Variants in PTAR1 observed in about 807,000 individuals in gnomAD.
The protein encoded by PTAR1 is protein prenyltransferase alpha subunit repeat-containing protein 1.
A neutral mutation model predicts 45.5 loss-of-function variants in PTAR1; 17 were observed. The ratio of observed to expected loss-of-function variants is 0.37; its 90% CI spans 0.26 to 0.56. The LOEUF (loss-of-function observed/expected upper bound fraction) is 0.56. Ranked by LOEUF, PTAR1 falls within the 20% of genes least tolerant of loss-of-function variation. PTAR1 has a pLI of 0.77. For synonymous variants in PTAR1, 169 were observed against 171.3 expected, an observed-to-expected ratio of 0.99 and a Z score of 0.11; for missense variants, 391 against 476.3, an observed-to-expected ratio of 0.82 and a Z score of 1.67.
chr9:69,744,002 A>G (rs559960885), intron 2 of PTAR1, among the ~76,000 whole-genome samples: 1 of 152,292 alleles, frequency 6.6e-6, no homozygotes, highest in East Asian at 1.9e-4. Context: ...ACCATACTGG[A>G]AAAAGTATGA....
intron 3 of PTAR1, among the ~76,000 whole-genome samples, chr9:69,736,090 T>C (rs1008499834): frequency 6.6e-6 from 1 of 152,114 alleles, no homozygotes; most frequent in African/African-American, 2.4e-5. Context: ...AAAATATTGC[T>C]CTATGTAATT....
chr9:69,736,833 T>C (rs1825811592), intron 3 of PTAR1, among the ~76,000 whole-genome samples: 1 of 152,158 alleles, frequency 6.6e-6, no homozygotes, highest in Non-Finnish European at 1.5e-5. Flanking sequence ...AATATCTTTA[T>C]TTTGAATTAA....
intron 1 of PTAR1, chr9:69,757,038 A>G (rs1196951708): frequency 6.6e-6 from 1 of 152,238 alleles, no homozygotes; most frequent in African/African-American, 2.4e-5. Context: ...ACCATTACAG[A>G]AATTTCTGTT....
At chr9:69,750,141 G>T (rs1041697484) in intron 2 of PTAR1, among the ~76,000 whole-genome samples, 3 of 151,814 alleles carry the variant, frequency 2.0e-5, no homozygotes, top group African/African-American at 7.3e-5. Context: ...ACCAAGAAAA[G>T]AGACCAGATG....
At chr9:69,745,027 C>T (rs997695061) in intron 2 of PTAR1, among the ~76,000 whole-genome samples, 3 of 152,314 alleles carry the variant, frequency 2.0e-5, no homozygotes, top group South Asian at 2.1e-4. Context: ...CAAGGACTCA[C>T]TCAGTGAAAC....
In PTAR1 at chr9:69,732,381, C is replaced by T. The variant is rs572155811; in HGVS notation, c.429-29G>A. Reference sequence around the variant, plus strand: ...TTAAGGCAGCATGTGGGAAAGAGAACACAGAAAGAACATAAACCAGAGAGA... The same window carrying T: ...TTAAGGCAGCATGTGGGAAAGAGAATACAGAAAGAACATAAACCAGAGAGA... On this transcript the variant is annotated intron_variant, in intron 4 of 7. Coordinates refer to ENST00000340434, the MANE Select transcript of PTAR1 (RefSeq NM_001099666.2). The T allele has an allele frequency of 9.4e-6, 14 of 1,484,962 alleles. No homozygotes were observed. The South Asian group carries it at 1.6e-4, about 17-fold the overall frequency. 92.0% of individuals were successfully genotyped at this position (1,484,962 alleles called of 1,614,324 possible). A position where few individuals can be genotyped will look rare whatever the true frequency, so the allele number is the denominator to read the frequency against.
At chr9:69,751,085 G>T in intron 1 of PTAR1, 135 bp from the exon 2 acceptor site, 1 of 652,934 alleles carries the variant, frequency 1.5e-6, no homozygotes, top group Non-Finnish European at 2.6e-6. Flanking sequence ...CACTTACTGG[G>T]ATTGGTAGAT....
rs775303715 is a variant in PTAR1, at chr9:69,732,128, A to G, written c.642+11T>C. The G allele has an allele frequency of 1.9e-6, 3 of 1,597,984 alleles. No homozygotes were observed. Among genetic ancestry groups the G allele is most frequent in the Non-Finnish European group, 2.6e-6 (3 of 1,167,060 alleles). ...ACAGGCAGTCTGCCCAGGAGACAGT[A>G]ATATTCCTACCTTGACATCTAGCTT... On this transcript the variant is annotated intron_variant, in intron 5 of 7. Transcript: ENST00000340434.
intron 3 of PTAR1, among the ~76,000 whole-genome samples, chr9:69,736,351 G>A (rs1825787859): frequency 6.6e-6 from 1 of 152,206 alleles, no homozygotes; most frequent in Admixed American, 6.5e-5. Flanking sequence ...GAGGTCAAGA[G>A]ATTGAGACCA....
At chr9:69,755,490 C>A (rs1826735544) in intron 1 of PTAR1, among the ~76,000 whole-genome samples, 1 of 152,136 alleles carries the variant, frequency 6.6e-6, no homozygotes, top group Admixed American at 6.6e-5. Flanking sequence ...GTTGCATCAA[C>A]CAGCTTACCT....
rs370305516 is a variant in PTAR1, at chr9:69,739,142, T to C, written c.323+2650A>G. On this transcript the variant is annotated intron_variant, in intron 3 of 7. Coordinates refer to ENST00000340434, the MANE Select transcript of PTAR1 (RefSeq NM_001099666.2). ...TTTTACAGATGAAGAAATTGAATCC[T>C]GGAGAAGTTCAGTAACTTGCTCAGG... Among the ~76,000 whole-genome samples, 214 of 152,294 alleles carry C rather than the reference T, an allele frequency of 1.4e-3. No homozygotes were observed. The South Asian group carries it at 0.025, about 18-fold the overall frequency.
intron 1 of PTAR1, chr9:69,757,724 T>G (rs964423827): frequency 2.0e-5 from 3 of 151,198 alleles, no homozygotes; most frequent in African/African-American, 7.3e-5. Flanking sequence ...ACAGTAAAGT[T>G]AGATACAAAC....
rs535798088 is a variant in PTAR1, at chr9:69,722,768, G to A, written c.947+558C>T. Among the ~76,000 whole-genome samples the A allele has an allele frequency of 4.0e-5, 6 of 151,728 alleles. No individual in the cohort carries two copies. The South Asian group carries it at 6.2e-4, about 16-fold the overall frequency. On this transcript the variant is annotated intron_variant, in intron 6 of 7. Coordinates refer to ENST00000340434, the MANE Select transcript of PTAR1 (RefSeq NM_001099666.2). ...AGCCTGGCCAACATGGTGAAATTCC[G>A]TCTCTACTAAAAACACAAAAATTAG... is the stretch of plus-strand genomic sequence containing the variant.
chr9:69,737,442 G>A (rs921974658), intron 3 of PTAR1, among the ~76,000 whole-genome samples: 3 of 152,240 alleles, frequency 2.0e-5, no homozygotes, highest in South Asian at 4.1e-4. Context: ...TCTGACTGGA[G>A]ATACAATTTC....
At chr9:69,726,499 C>T (rs892462858) in intron 5 of PTAR1, among the ~76,000 whole-genome samples, 1 of 151,910 alleles carries the variant, frequency 6.6e-6, no homozygotes, top group African/African-American at 2.4e-5. Flanking sequence ...TAGAAATATA[C>T]TTGCTGGAAC....
At chr9:69,736,089 C>T (rs575489439) in intron 3 of PTAR1, among the ~76,000 whole-genome samples, 2 of 152,116 alleles carry the variant, frequency 1.3e-5, no homozygotes, top group African/African-American at 4.8e-5. Context: ...GAAAATATTG[C>T]TCTATGTAAT....
At chr9:69,749,086 C>T (rs1312022825) in intron 2 of PTAR1, among the ~76,000 whole-genome samples, 1 of 152,032 alleles carries the variant, frequency 6.6e-6, no homozygotes, top group Admixed American at 6.6e-5. Context: ...CGCAAGGTTC[C>T]TTATGAGCCT....
At chr9:69,722,279 C>T (rs1452576400) in intron 6 of PTAR1, among the ~76,000 whole-genome samples, 1 of 152,192 alleles carries the variant, frequency 6.6e-6, no homozygotes, top group Non-Finnish European at 1.5e-5. Context: ...AAATACAATG[C>T]TATGGCCTAA....
chr9:69,752,523 A>T (rs1826577539), intron 1 of PTAR1, among the ~76,000 whole-genome samples: 1 of 152,086 alleles, frequency 6.6e-6, no homozygotes, highest in Non-Finnish European at 1.5e-5. Context: ...TTATCCTTAC[A>T]ATTGGTTCCG....
Sources: allele counts gnomAD v4.1 joint callset (sites outside exome capture counted in the v4.1 genomes callset), GRCh38; gene constraint gnomAD v4.1.1; transcripts MANE v1.5; gene names NCBI Gene and HGNC (gene_info 2026-07-23, HGNC 2026-07-21).